Variants in CCDC85C observed in about 807,000 individuals in gnomAD.
CCDC85C encodes the protein coiled-coil domain-containing protein 85C.
CCDC85C carries 18 observed loss-of-function variants against 38.3 expected under a neutral mutation model. The ratio of observed to expected loss-of-function variants is 0.47; its 90% CI spans 0.33 to 0.70. The LOEUF (loss-of-function observed/expected upper bound fraction) is 0.70, where lower values mean the gene tolerates loss of function less well. Among genes scored for constraint, CCDC85C ranks in the 30% least tolerant of loss-of-function variants. The probability of loss-of-function intolerance (pLI) is 0.03; values close to 1 mark genes in which losing one functional copy is unlikely to be tolerated. For missense variants in CCDC85C, 566 were observed against 621.2 expected, an observed-to-expected ratio of 0.91 and a Z score of 0.94; for synonymous variants, 264 against 293.8, an observed-to-expected ratio of 0.90 and a Z score of 1.04.
Position 99,502,087 on chromosome 14 carries a change from C to G in CCDC85C, c.*13159G>C, listed in dbSNP as rs1315031411. 2 of 1,111,508 alleles carry G rather than the reference C, an allele frequency of 1.8e-6. No homozygotes were observed. The highest frequency in any genetic ancestry group is 2.5e-6 in the Non-Finnish European group (2 of 815,762). The allele number at this position is 1,111,508 out of a possible 1,614,324, so 68.9% of individuals were successfully genotyped here. On this transcript the variant is annotated 3_prime_UTR_variant, in exon 6 of 6. Transcript: ENST00000380243. ...GACTTGAGTTTATTTATTTATAGTA[C>G]TTTAATTAAATTTAGGGGAGAATAA...
In CCDC85C at chr14:99,510,336, T is replaced by G. The variant is rs1261390147; in HGVS notation, c.*4910A>C. The G allele has an allele frequency of 8.7e-7, 1 of 1,143,882 alleles. No homozygotes were observed. The allele number at this position is 1,143,882 out of a possible 1,614,324, so 70.9% of individuals were successfully genotyped here. A position where few individuals can be genotyped will look rare whatever the true frequency, so the allele number is the denominator to read the frequency against. ...CCCCTCCAGCTACATGACCGGGATGTCCACCACCAGCTCCTACATGTCTGG... is the reference window on the plus strand; with the variant it reads ...CCCCTCCAGCTACATGACCGGGATGGCCACCACCAGCTCCTACATGTCTGG... On this transcript the variant is annotated 3_prime_UTR_variant, in exon 6 of 6. Coordinates refer to ENST00000380243, the MANE Select transcript of CCDC85C (RefSeq NM_001144995.2).
intron 1 of CCDC85C, among the ~76,000 whole-genome samples, chr14:99,571,024 T>C (rs2400750): frequency 0.57 from 86,927 of 151,768 alleles, 24,977 homozygotes; most frequent in African/African-American, 0.62. Flanking sequence ...CACTCCCACC[T>C]ACTGTCCGGC....
At chr14:99,547,243 A>G (rs1473318874) in intron 1 of CCDC85C, among the ~76,000 whole-genome samples, 1 of 152,156 alleles carries the variant, frequency 6.6e-6, no homozygotes, top group Non-Finnish European at 1.5e-5. Context: ...CTTTTCTTAT[A>G]TTACAGGAAA....
At position 99,501,484 on chromosome 14, in the gene CCDC85C, T is replaced by A; in HGVS notation, c.*13762A>T. On this transcript the variant is annotated 3_prime_UTR_variant, in exon 6 of 6. Transcript: ENST00000380243. The stretch of plus-strand genomic sequence containing the variant: ...CAGAGACTTTATGGACCATTTCATC[T>A]AAACCCCTCATTTTGTGTCAGAAGA... 1 of 1,028,948 alleles carries A rather than the reference T, an allele frequency of 9.7e-7. No homozygotes were observed. Among genetic ancestry groups the A allele is most frequent in the Non-Finnish European group, 1.5e-6 (1 of 662,206 alleles). 63.7% of individuals were successfully genotyped at this position (1,028,948 alleles called of 1,614,324 possible).
In CCDC85C at chr14:99,509,119, T is replaced by C. The variant is rs1293235476; in HGVS notation, c.*6127A>G. 1 of 152,232 alleles carries C rather than the reference T, an allele frequency of 6.6e-6. No individual in the cohort carries two copies. The highest frequency in any genetic ancestry group is 6.5e-5 in the Admixed American group (1 of 15,286). The allele number at this position is 152,232 out of a possible 1,614,324, so 9.4% of individuals were successfully genotyped here. ...AACGGGTTGTGTGCCAATGGCCACG[T>C]CTACCCAACCAGGATGTCGTGCTGT... On this transcript the variant is annotated 3_prime_UTR_variant, in exon 6 of 6. Coordinates refer to ENST00000380243, the MANE Select transcript of CCDC85C (RefSeq NM_001144995.2).
In CCDC85C at chr14:99,516,710, A is replaced by G. The variant is rs1897231926; in HGVS notation, c.1071+378T>C. ...GAGTGGGGACTGTGCTCAGGTGTGC[A>G]CAGCCTGGAGGAACCGGAGCCCATC... On this transcript the variant is annotated intron_variant, in intron 4 of 5. Transcript: ENST00000380243. The surrounding 1 kb of genome is among the most constrained non-coding windows in gnomAD (Gnocchi z 5.5). Among the ~76,000 whole-genome samples, 1 of 152,090 alleles carries G rather than the reference A, an allele frequency of 6.6e-6. No individual in the cohort carries two copies. The highest frequency in any genetic ancestry group is 1.9e-4 in the East Asian group (1 of 5,194).
chr14:99,561,072 C>T (rs1410888823), intron 1 of CCDC85C, among the ~76,000 whole-genome samples: 1 of 152,162 alleles, frequency 6.6e-6, no homozygotes. Context: ...CTGCTCCCTT[C>T]GGCAGAATCC....
At chr14:99,550,587 T>G (rs545232366) in intron 1 of CCDC85C, among the ~76,000 whole-genome samples, 1 of 152,324 alleles carries the variant, frequency 6.6e-6, no homozygotes, top group East Asian at 1.9e-4. Context: ...GGTTGCTTGC[T>G]TAGTCACTCT....
chr14:99,522,042 G>T, intron 3 of CCDC85C, 91 bp downstream of exon 3: 1 of 972,866 alleles, frequency 1.0e-6, no homozygotes. Flanking sequence ...CAGGCACCCA[G>T]ATCCTTGTGC....
At chr14:99,551,045 G>A (rs1387330573) in intron 1 of CCDC85C, among the ~76,000 whole-genome samples, 1 of 152,256 alleles carries the variant, frequency 6.6e-6, no homozygotes, top group Non-Finnish European at 1.5e-5. Flanking sequence ...CCCATACAGC[G>A]CATAGCCTCT....
At chr14:99,570,681 C>T (rs2400749) in intron 1 of CCDC85C, among the ~76,000 whole-genome samples, 86,466 of 151,952 alleles carry the variant, frequency 0.57, 24,694 homozygotes, top group African/African-American at 0.61. Flanking sequence ...GGGGGTCTTC[C>T]CGGCACCAGA....
chr14:99,542,429 T>C (rs12898161), intron 1 of CCDC85C, among the ~76,000 whole-genome samples: 75,690 of 151,962 alleles, frequency 0.5, 19,000 homozygotes, highest in South Asian at 0.57. Flanking sequence ...TCCATAACCA[T>C]ATTCATCTAC....
chr14:99,597,854 A>G (rs1464474493), intron 1 of CCDC85C, among the ~76,000 whole-genome samples: 1 of 152,210 alleles, frequency 6.6e-6, no homozygotes, highest in Admixed American at 6.5e-5. Context: ...ACTCCCACCC[A>G]GGGAAGGCAA....
At chr14:99,568,658 A>G (rs1237865970) in intron 1 of CCDC85C, among the ~76,000 whole-genome samples, 1 of 152,198 alleles carries the variant, frequency 6.6e-6, no homozygotes, top group Non-Finnish European at 1.5e-5. Context: ...GAAACCCTCA[A>G]GGAGGATGCC....
rs541446053 is a variant in CCDC85C, at chr14:99,588,626, G to A, written c.793+14541C>T. On this transcript the variant is annotated intron_variant, in intron 1 of 5. Coordinates refer to ENST00000380243, the MANE Select transcript of CCDC85C (RefSeq NM_001144995.2). This position sits in a 1 kb window ranked among gnomAD's most constrained non-coding sequence, Gnocchi z 5.0. ...GGGGAGAGGGAAGCCTGGCACAGGT[G>A]GTGGCAAAGGGTCCCCTGGCTGCCC... 6.6e-6 allele frequency among the ~76,000 whole-genome samples: 1 copy of A among 152,104 alleles called. No individual in the cohort carries two copies. The highest frequency in any genetic ancestry group is 2.4e-5 in the African/African-American group (1 of 41,426).
At chr14:99,555,133 G>A (rs1222104277) in intron 1 of CCDC85C, among the ~76,000 whole-genome samples, 6 of 152,332 alleles carry the variant, frequency 3.9e-5, no homozygotes, top group Middle Eastern at 3.4e-3. Flanking sequence ...GAAGTGAGGC[G>A]GGCGGGACAG....
chr14:99,516,234 T>C lies in CCDC85C; in HGVS notation c.1124A>G (p.Glu375Gly). Reference sequence around the variant, plus strand: ...GGCCTTCTCCTTCTCACTCAGGTCCTCCTCACAGCTGTCCTGGAGCTGCCG... The same window carrying C: ...GGCCTTCTCCTTCTCACTCAGGTCCCCCTCACAGCTGTCCTGGAGCTGCCG... Reference protein sequence around the residue: ...LDRQLQDSCEEDLSEKEKAIV... With the variant: ...LDRQLQDSCEGDLSEKEKAIV... Residue 375 changes from glutamate to glycine, a missense_variant, in exon 5 of 6, where the codon GAG becomes GGG. Transcript: ENST00000380243. The surrounding 1 kb of genome is among the most constrained non-coding windows in gnomAD (Gnocchi z 5.5). The C allele has an allele frequency of 6.4e-7, 1 of 1,551,240 alleles. No homozygotes were observed. Among genetic ancestry groups the C allele is most frequent in the Middle Eastern group, 1.7e-4 (1 of 5,990 alleles).
Position 99,603,944 on chromosome 14 carries a change from C to T in CCDC85C, c.16G>A (p.Ala6Thr). The T allele has an allele frequency of 1.4e-6, 2 of 1,406,102 alleles. No homozygotes were observed. The highest frequency in any genetic ancestry group is 3.0e-5 in the East Asian group (1 of 33,072). 87.1% of individuals were successfully genotyped at this position (1,406,102 alleles called of 1,614,324 possible). Reference protein sequence around the residue: MAKPAATAAAASEELS... With the variant: MAKPATTAAAASEELS... The stretch of plus-strand genomic sequence containing the variant: ...TCCTCCGACGCCGCCGCCGCCGTCG[C>T]CGCGGGCTTAGCCATGGCGGGGCCG... Residue 6 changes from alanine (A) to threonine (T), a missense_variant, in exon 1 of 6, where the codon GCG becomes ACG. Physicochemically the swap from Ala to Thr is moderately conservative, Grantham distance 58. Transcript: ENST00000380243. The surrounding 1 kb of genome is among the most constrained non-coding windows in gnomAD (Gnocchi z 7.5).
At position 99,502,566 on chromosome 14, in the gene CCDC85C, C is replaced by T; in HGVS notation, c.*12680G>A. 1.7e-6 allele frequency: 2 copies of T among 1,207,908 alleles called. No homozygotes were observed. Among genetic ancestry groups the T allele is most frequent in the South Asian group, 3.2e-5 (2 of 63,152 alleles). The allele number at this position is 1,207,908 out of a possible 1,614,324, so 74.8% of individuals were successfully genotyped here. On this transcript the variant is annotated 3_prime_UTR_variant, in exon 6 of 6. Coordinates refer to ENST00000380243, the MANE Select transcript of CCDC85C (RefSeq NM_001144995.2). ...ACATACTTTTGGTAAACTAAAAATACACACCAGTGTTGCACACAACGAAGA... is the reference window on the plus strand; with the variant it reads ...ACATACTTTTGGTAAACTAAAAATATACACCAGTGTTGCACACAACGAAGA...
Sources: gnomAD v4.1 joint callset for allele counts (sites outside exome capture counted in the v4.1 genomes callset) on GRCh38, gnomAD v4.1.1 for gene constraint, Gnocchi (gnomAD v3.1) non-coding constraint, MANE v1.5 for transcripts, NCBI Gene and HGNC (gene_info 2026-07-23, HGNC 2026-07-21) for gene names.